Variants in RAB3GAP2 observed in about 807,000 individuals in gnomAD.
RAB3GAP2 encodes rab3 GTPase-activating protein non-catalytic subunit.
A neutral mutation model predicts 185.3 loss-of-function variants in RAB3GAP2; 87 were observed. That is an observed-to-expected ratio of 0.47 (90% CI 0.39 to 0.56). The LOEUF is 0.56. Among genes scored for constraint, RAB3GAP2 ranks in the 20% least tolerant of loss-of-function variants. The pLI is 0.00. For missense variants in RAB3GAP2, 1,492 were observed against 1,638.2 expected (o/e 0.91, Z 1.54); for synonymous variants, 554 against 576.1 (o/e 0.96, Z 0.55).
At chr1:220,161,066 T>C (rs1657955254) in intron 28 of RAB3GAP2, among the ~76,000 whole-genome samples, 2 of 152,180 alleles carry the variant, frequency 1.3e-5, no homozygotes, top group Non-Finnish European at 2.9e-5. Flanking sequence ...CACACATAAA[T>C]TACATTTTAC....
rs1571905217 is a variant in RAB3GAP2, at chr1:220,214,963, TATATATATATATAC to T, written c.181-998_181-985del. ...TAGTAGCATTATATATATATATATA[TATATATATATATAC>T]TTCTATACTTTGCTTTTTTCTCTTA... On this transcript the variant is annotated intron_variant, in intron 2 of 34. Coordinates refer to ENST00000358951, the MANE Select transcript of RAB3GAP2 (RefSeq NM_012414.4). Among the ~76,000 whole-genome samples, 6 of 143,974 alleles carry T rather than the reference TATATATATATATAC, an allele frequency of 4.2e-5. No homozygotes were observed. In the East Asian group the frequency reaches 1.3e-3, roughly 30 times the overall value. 94.5% of individuals were successfully genotyped at this position (143,974 alleles called of 152,430 possible). A position where few individuals can be genotyped will look rare whatever the true frequency, so the allele number is the denominator to read the frequency against.
In RAB3GAP2 at chr1:220,272,328, A is replaced by G. The variant is rs773666005; in HGVS notation, c.10T>C (p.Ser4Pro). 9.9e-6 allele frequency: 16 copies of G among 1,610,474 alleles called. No individual in the cohort carries two copies. In the East Asian group the frequency reaches 3.6e-4, roughly 36 times the overall value. The change falls in exon 1 of 35, where the codon TCC becomes CCC. Residue 4 changes from serine to proline, a missense_variant. Around this residue, in one of 5 missense-constraint regions of RAB3GAP2, gnomAD observed 177 missense variants for 160.6 expected, o/e 1.10. Transcript: ENST00000358951. ...TGGAAGTAGCAGAACTGGACAATGG[A>G]GCAGGCCATGGCTCCAGGGAACCCC... MAC[S>P]IVQFCYFQDL...
intron 2 of RAB3GAP2, among the ~76,000 whole-genome samples, chr1:220,227,011 G>C (rs892653222): frequency 1.3e-5 from 2 of 152,178 alleles, no homozygotes; most frequent in East Asian, 1.9e-4. Context: ...AGGAAGAAAG[G>C]CCTCACCAGA....
chr1:220,264,942 A>G (rs1418179853), intron 1 of RAB3GAP2, among the ~76,000 whole-genome samples: 2 of 152,100 alleles, frequency 1.3e-5, no homozygotes, highest in Non-Finnish European at 2.9e-5. Context: ...ATTTATCTTT[A>G]AACTCATTTT....
intron 8 of RAB3GAP2, among the ~76,000 whole-genome samples, chr1:220,204,189 T>G (rs981834603): frequency 1.3e-5 from 2 of 152,178 alleles, no homozygotes; most frequent in Admixed American, 1.3e-4. Flanking sequence ...TCAAAAATTT[T>G]TCTCTGTCTT....
intron 12 of RAB3GAP2, among the ~76,000 whole-genome samples, chr1:220,194,030 A>C (rs1306338192): frequency 6.6e-6 from 1 of 152,104 alleles, no homozygotes; most frequent in Non-Finnish European, 1.5e-5. Flanking sequence ...AGGAAATGTG[A>C]TATGTTACAA....
At chr1:220,248,421 C>T (rs548697051) in intron 1 of RAB3GAP2, among the ~76,000 whole-genome samples, 2 of 151,986 alleles carry the variant, frequency 1.3e-5, no homozygotes, top group Non-Finnish European at 2.9e-5. Context: ...CATTTCATAA[C>T]GTATATCAAA....
At chr1:220,170,311 A>C (rs906011256) in intron 24 of RAB3GAP2, among the ~76,000 whole-genome samples, 4 of 152,168 alleles carry the variant, frequency 2.6e-5, no homozygotes, top group Non-Finnish European at 5.9e-5. Context: ...AGAAATACCT[A>C]ATGTCGATGA....
intron 1 of RAB3GAP2, among the ~76,000 whole-genome samples, chr1:220,261,582 T>C (rs1660137555): frequency 6.6e-6 from 1 of 152,192 alleles, no homozygotes; most frequent in African/African-American, 2.4e-5. Flanking sequence ...CAAATTCTAA[T>C]AGTCTCAAAC....
intron 21 of RAB3GAP2, among the ~76,000 whole-genome samples, chr1:220,173,421 G>A (rs186818677): frequency 1.3e-5 from 2 of 152,266 alleles, no homozygotes; most frequent in East Asian, 1.9e-4. Context: ...ATCTCTGAAA[G>A]GCCTTGATTA....
chr1:220,245,270 C>T (rs200529592), intron 1 of RAB3GAP2, among the ~76,000 whole-genome samples: 1 of 152,230 alleles, frequency 6.6e-6, no homozygotes, highest in Non-Finnish European at 1.5e-5. Flanking sequence ...GTTCATCTCA[C>T]TAGGGAGTGC....
At chr1:220,253,596 T>C in intron 1 of RAB3GAP2, 3 of 1,581,070 alleles carry the variant, frequency 1.9e-6, no homozygotes, top group Non-Finnish European at 2.6e-6. Flanking sequence ...ACCCGAAGCC[T>C]AAATTCCAGG....
intron 2 of RAB3GAP2, among the ~76,000 whole-genome samples, chr1:220,223,947 A>G (rs1447406808): frequency 8.1e-5 from 12 of 148,458 alleles, no homozygotes; most frequent in African/African-American, 3.0e-4. Context: ...TCGAGGCTGA[A>G]GTGAGCCATG....
chr1:220,235,119 A>G (rs1659568427), intron 1 of RAB3GAP2, among the ~76,000 whole-genome samples: 1 of 152,206 alleles, frequency 6.6e-6, no homozygotes, highest in Admixed American at 6.5e-5. Context: ...TACTCCTACT[A>G]TGCCTCATGA....
intron 2 of RAB3GAP2, among the ~76,000 whole-genome samples, chr1:220,223,091 G>A (rs1036144694): frequency 1.3e-5 from 2 of 152,146 alleles, no homozygotes; most frequent in African/African-American, 4.8e-5. Context: ...CGCCCAGGCT[G>A]GAGTGCAGTG....
In RAB3GAP2 at chr1:220,157,475, C is replaced by G. The variant is rs564352150; in HGVS notation, c.3350G>C (p.Arg1117Thr). The change falls in exon 31 of 35, where the codon AGG becomes ACG. Residue 1117 changes from arginine to threonine, a missense_variant. By Grantham distance (71) the Arg-to-Thr change is moderately conservative. Transcript: ENST00000358951. ...LQILMEADVS[R>T]DEIQVPVLDT... The stretch of plus-strand genomic sequence containing the variant: ...CAGCACAGGCACCTGTATTTCATCC[C>G]TGCTAACATCTGCCTAAGGGTTTTG... 1.2e-6 allele frequency: 2 copies of G among 1,613,244 alleles called. No homozygotes were observed. The highest frequency in any genetic ancestry group is 2.7e-5 in the African/African-American group (2 of 75,000).
intron 1 of RAB3GAP2, among the ~76,000 whole-genome samples, chr1:220,250,086 A>G (rs1190740445): frequency 6.6e-6 from 1 of 152,178 alleles, no homozygotes; most frequent in African/African-American, 2.4e-5. Context: ...TCCTGAACCC[A>G]GAATAGTACA....
chr1:220,253,488 G>C, intron 1 of RAB3GAP2: 3 of 1,519,958 alleles, frequency 2.0e-6, no homozygotes, highest in Non-Finnish European at 2.7e-6. Flanking sequence ...CGGCGCGTCT[G>C]ACGCGGAGTT....
At position 220,248,637 on chromosome 1, in the gene RAB3GAP2, A is replaced by G. The variant is rs137923018; in HGVS notation, c.116-15774T>C. Among the ~76,000 whole-genome samples the G allele has an allele frequency of 9.1e-3, 1,367 of 150,982 alleles. 22 individuals carry two copies. The highest frequency in any genetic ancestry group is 0.031 in the African/African-American group (1,284 of 40,862). On this transcript the variant is annotated intron_variant, in intron 1 of 34. Coordinates refer to ENST00000358951, the MANE Select transcript of RAB3GAP2 (RefSeq NM_012414.4). ...TGGTTTTTTTTTTTTGGATAATTCT[A>G]AAGTTCAATGGGAAGAAAAATGTAT...
Sources: allele counts gnomAD v4.1 joint callset (sites outside exome capture counted in the v4.1 genomes callset), GRCh38; gene constraint gnomAD v4.1.1; regional missense constraint gnomAD v4.1.1; transcripts MANE v1.5; gene names NCBI Gene and HGNC (gene_info 2026-07-23, HGNC 2026-07-21).